Variants in RBM33 observed in about 807,000 individuals in gnomAD.
The protein encoded by RBM33 is RNA-binding protein 33.
In RBM33, 28 loss-of-function variants were observed where a neutral mutation model predicts 132.6. The observed-to-expected ratio is 0.21, with a 90% CI of 0.16 to 0.29. The LOEUF (loss-of-function observed/expected upper bound fraction) is 0.29, where lower values mean the gene tolerates loss of function less well. Among genes scored for constraint, RBM33 ranks in the 10% least tolerant of loss-of-function variants. The pLI is 1.00. For synonymous variants in RBM33, 634 were observed against 593.0 expected, an observed-to-expected ratio of 1.07 and a Z score of -1.01; for missense variants, 1,291 against 1,518.5, an observed-to-expected ratio of 0.85 and a Z score of 2.49.
At chr7:155,673,940 G>GTTGTTGTTTGTTTTTTGTTTTTTT in intron 3 of RBM33, among the ~76,000 whole-genome samples, 1 of 54,214 alleles carries the variant, frequency 1.8e-5, no homozygotes, top group African/African-American at 8.3e-5. Context: ...TTTAGGCTTA[G>GTTGTTGTTTGTTTTTTGTTTTTTT]TTTTTTTTTT....
chr7:155,766,321 T>C (rs974734643), intron 15 of RBM33, 146 bp from the exon 16 acceptor site: 1 of 901,098 alleles, frequency 1.1e-6, no homozygotes, highest in East Asian at 2.7e-5. Context: ...AAACATTCTC[T>C]GATAGTGGAT....
chr7:155,679,178 A>AC (rs200821596), intron 4 of RBM33, among the ~76,000 whole-genome samples: 11,063 of 152,006 alleles, frequency 0.073, 670 homozygotes, highest in African/African-American at 0.17. Context: ...TCTTAAAAAA[A>AC]AAAAAACAAA....
chr7:155,661,839 C>T (rs182723346), intron 1 of RBM33, among the ~76,000 whole-genome samples: 25 of 152,234 alleles, frequency 1.6e-4, no homozygotes, highest in South Asian at 4.1e-4. Context: ...TGAAATCTGA[C>T]GCCTGATCCT....
intron 3 of RBM33, among the ~76,000 whole-genome samples, chr7:155,673,596 A>ATACACACGTGTATATATATACACG (rs1799032232): frequency 2.1e-5 from 2 of 94,860 alleles, no homozygotes; most frequent in African/African-American, 9.2e-5. Flanking sequence ...ATATATATAC[A>ATACACACGTGTATATATATACACG]CACATATACA....
intron 13 of RBM33, among the ~76,000 whole-genome samples, chr7:155,743,083 ATATT>A (rs1349488162): frequency 6.6e-6 from 1 of 152,338 alleles, no homozygotes; most frequent in East Asian, 1.9e-4. Flanking sequence ...TTCTTCTGAT[ATATT>A]ATTGTAGCAG....
intron 7 of RBM33, among the ~76,000 whole-genome samples, chr7:155,710,544 C>A (rs73502330): frequency 0.024 from 3,661 of 152,286 alleles, 52 homozygotes; most frequent in Middle Eastern, 0.075. Flanking sequence ...AATTTTCTTA[C>A]CTTCTTTCCT....
At chr7:155,693,456 A>G (rs1464725206) in intron 5 of RBM33, among the ~76,000 whole-genome samples, 1 of 151,984 alleles carries the variant, frequency 6.6e-6, no homozygotes, top group African/African-American at 2.4e-5. Flanking sequence ...TCTTTTTTAT[A>G]CCATCTGCTA....
At chr7:155,682,345 T>C (rs1799359366) in intron 5 of RBM33, among the ~76,000 whole-genome samples, 1 of 152,220 alleles carries the variant, frequency 6.6e-6, no homozygotes, top group Non-Finnish European at 1.5e-5. Flanking sequence ...AACTTGTTAT[T>C]TCCATAACCC....
chr7:155,721,879 T>TA (rs1400922208), intron 9 of RBM33, among the ~76,000 whole-genome samples: 1 of 152,180 alleles, frequency 6.6e-6, no homozygotes, highest in Admixed American at 6.5e-5. Context: ...AAATGATTTT[T>TA]AAAACAAATA....
chr7:155,673,958 T>TTTTTTTTTTTTTTTTG (rs1563138421), intron 3 of RBM33, among the ~76,000 whole-genome samples: 1 of 123,452 alleles, frequency 8.1e-6, no homozygotes, highest in Non-Finnish European at 1.7e-5. Context: ...TTTTTTTTTT[T>TTTTTTTTTTTTTTTTG]TTTTTTTTTT....
At chr7:155,719,564 ATTAG>A (rs1228290694) in intron 9 of RBM33, among the ~76,000 whole-genome samples, 11 of 152,176 alleles carry the variant, frequency 7.2e-5, no homozygotes. Context: ...AGTTCTAAAA[ATTAG>A]TTGTTTTTAA....
chr7:155,705,000 G>A (rs528844633), intron 6 of RBM33, among the ~76,000 whole-genome samples: 1 of 151,842 alleles, frequency 6.6e-6, no homozygotes, highest in East Asian at 1.9e-4. Context: ...TTTTTATTTT[G>A]CCAAACAAAT....
At chr7:155,771,703 G>T (rs554887493) in intron 16 of RBM33, among the ~76,000 whole-genome samples, 2 of 152,150 alleles carry the variant, frequency 1.3e-5, no homozygotes, top group Non-Finnish European at 2.9e-5. Context: ...CAAAAGAACT[G>T]CATGATATTT....
At chr7:155,677,354 G>A (rs574872522) in intron 3 of RBM33, among the ~76,000 whole-genome samples, 30 of 151,720 alleles carry the variant, frequency 2.0e-4, no homozygotes, top group Non-Finnish European at 1.3e-4. Context: ...GACTACAGGC[G>A]CCCCTCACCA....
At chr7:155,656,444 T>C (rs1023557931) in intron 1 of RBM33, among the ~76,000 whole-genome samples, 6 of 152,242 alleles carry the variant, frequency 3.9e-5, no homozygotes, top group African/African-American at 1.2e-4. Flanking sequence ...GTGGCCACTT[T>C]TTGATTATTA....
chr7:155,672,085 C>T (rs1426518534), intron 2 of RBM33, among the ~76,000 whole-genome samples: 1 of 151,752 alleles, frequency 6.6e-6, no homozygotes, highest in Non-Finnish European at 1.5e-5. Context: ...TTTATGTTCT[C>T]GTTCGTTTTT....
chr7:155,692,456 A>G (rs890834637), intron 5 of RBM33, among the ~76,000 whole-genome samples: 3 of 152,174 alleles, frequency 2.0e-5, no homozygotes, highest in Non-Finnish European at 4.4e-5. Flanking sequence ...CTTCCTCTGG[A>G]GTCAAGGACA....
rs1800293745 is a variant in RBM33, at chr7:155,711,387, C to T, written c.1133C>T (p.Thr378Ile). 1 of 1,576,522 alleles carries T rather than the reference C, an allele frequency of 6.3e-7. No homozygotes were observed. Among genetic ancestry groups the T allele is most frequent in the Admixed American group, 1.9e-5 (1 of 53,592 alleles). The change falls in exon 8 of 18, where the codon ACT becomes ATT. Residue 378 changes from threonine (T) to isoleucine (I), a missense_variant. Physicochemically the swap from Thr to Ile is moderately conservative, Grantham distance 89. Around this residue, in one of 7 missense-constraint regions of RBM33, gnomAD observed 146 missense variants for 137.1 expected, o/e 1.07. Transcript: ENST00000401878. The stretch of plus-strand genomic sequence containing the variant: ...ATGATGATGACCCCGCCACCCGTGA[C>T]TCCACAGCAGCCCAAGAACATACAC... ...PRMMMTPPPV[T>I]PQQPKNIHIN...
rs960338144 is a variant in RBM33, at chr7:155,707,061, C to T, written c.941C>T (p.Pro314Leu). ...HRPALLPTQP[P>L]VVPQAPPPPP... ...CCTGCGCTGCTTCCTACACAGCCTC[C>T]TGTCGTGGTAACTTCAGATTTTCTT... Residue 314 changes from proline (P) to leucine (L), a missense_variant, in exon 7 of 18, where the codon CCT becomes CTT. Physicochemically the swap from Pro to Leu is moderately conservative, Grantham distance 98. Coordinates refer to ENST00000401878, the MANE Select transcript of RBM33 (RefSeq NM_053043.3). 2 of 1,543,300 alleles carry T rather than the reference C, an allele frequency of 1.3e-6. No homozygotes were observed. The highest frequency in any genetic ancestry group is 2.8e-5 in the African/African-American group (2 of 72,378).
Sources: gnomAD v4.1 joint callset for allele counts (sites outside exome capture counted in the v4.1 genomes callset) on GRCh38, gnomAD v4.1.1 for gene constraint, gnomAD v4.1.1 regional missense constraint, MANE v1.5 for transcripts, NCBI Gene and HGNC (gene_info 2026-07-23, HGNC 2026-07-21) for gene names.